Variants in RBFOX1 observed in about 807,000 individuals in gnomAD.
RBFOX1 encodes the protein RNA binding protein fox-1 homolog 1.
In RBFOX1, 8 loss-of-function variants were observed where a neutral mutation model predicts 57.7. The observed-to-expected ratio is 0.14, with a 90% CI of 0.08 to 0.25. The LOEUF is 0.25. RBFOX1 is among the 10% of genes least tolerant of loss of function. The pLI is 1.00. For synonymous variants in RBFOX1, 326 were observed against 222.4 expected (o/e 1.47, Z -4.15); for missense variants, 611 against 548.5 (o/e 1.11, Z -1.14).
At chr16:6,979,399 G>C (rs2088030616) in intron 3 of RBFOX1, among the ~76,000 whole-genome samples, 1 of 152,086 alleles carries the variant, frequency 6.6e-6, no homozygotes, top group Non-Finnish European at 1.5e-5. Flanking sequence ...TTGTGCGATA[G>C]ACCCACTAAA....
intron 3 of RBFOX1, among the ~76,000 whole-genome samples, chr16:6,786,131 G>A (rs938520069): frequency 6.6e-6 from 1 of 152,126 alleles, no homozygotes; most frequent in African/African-American, 2.4e-5. Flanking sequence ...CATGACTTTG[G>A]GTCCCCCTAA....
At chr16:5,249,888 G>A (rs563444612) in intron 1 of RBFOX1, among the ~76,000 whole-genome samples, 62 of 152,320 alleles carry the variant, frequency 4.1e-4, no homozygotes, top group Non-Finnish European at 6.2e-4. Context: ...GAACCCAGAA[G>A]CAGCAGGTTG....
At chr16:6,813,694 T>A (rs370834065) in intron 3 of RBFOX1, among the ~76,000 whole-genome samples, 1 of 152,186 alleles carries the variant, frequency 6.6e-6, no homozygotes, top group African/African-American at 2.4e-5. Context: ...CCAAGTCCCA[T>A]ACTCTCTCAC....
intron 4 of RBFOX1, among the ~76,000 whole-genome samples, chr16:7,219,326 A>C (rs1458765357): frequency 6.6e-6 from 1 of 152,226 alleles, no homozygotes; most frequent in African/African-American, 2.4e-5. Context: ...AGATGCTTTT[A>C]ATGAGCTGCA....
intron 4 of RBFOX1, among the ~76,000 whole-genome samples, chr16:7,388,256 C>G (rs930108723): frequency 6.6e-6 from 1 of 152,090 alleles, no homozygotes; most frequent in African/African-American, 2.4e-5. Context: ...CACTCGGTAT[C>G]CATGATGTGT....
At chr16:5,443,438 A>G (rs964841713) in intron 1 of RBFOX1, among the ~76,000 whole-genome samples, 13 of 152,178 alleles carry the variant, frequency 8.5e-5, no homozygotes, top group African/African-American at 3.1e-4. Flanking sequence ...CCTGGGTTCA[A>G]GTGATTCTCA....
chr16:5,434,590 A>G (rs2067858836), intron 1 of RBFOX1, among the ~76,000 whole-genome samples: 1 of 152,104 alleles, frequency 6.6e-6, no homozygotes, highest in Admixed American at 6.5e-5. Context: ...AAGTGCTGAG[A>G]TTACAGGCAA....
chr16:7,326,360 A>G (rs1413008249), intron 4 of RBFOX1, among the ~76,000 whole-genome samples: 2 of 152,176 alleles, frequency 1.3e-5, no homozygotes, highest in African/African-American at 2.4e-5. Context: ...AAGACCTGGC[A>G]TATGACTGCT....
chr16:7,258,816 T>G (rs904794047), intron 4 of RBFOX1, among the ~76,000 whole-genome samples: 2 of 152,178 alleles, frequency 1.3e-5, no homozygotes, highest in Non-Finnish European at 2.9e-5. Context: ...CTGATGTCAT[T>G]TCATGCTTTG....
At chr16:5,886,890 A>G (rs1333933280) in intron 4 of RBFOX1, among the ~76,000 whole-genome samples, 1 of 152,230 alleles carries the variant, frequency 6.6e-6, no homozygotes, top group Admixed American at 6.5e-5. Context: ...TCTGTCTCAA[A>G]CAAACAAATC....
intron 2 of RBFOX1, among the ~76,000 whole-genome samples, chr16:5,586,508 C>A (rs1223212602): frequency 6.6e-6 from 1 of 152,132 alleles, no homozygotes; most frequent in Non-Finnish European, 1.5e-5. Flanking sequence ...TTTGTTCATT[C>A]ATTCGTTCAA....
chr16:7,672,782 G>A (rs1228705838), intron 13 of RBFOX1, among the ~76,000 whole-genome samples: 4 of 134,898 alleles, frequency 3.0e-5, no homozygotes, highest in South Asian at 2.5e-4. Flanking sequence ...CAGGAGAATC[G>A]GTTGAACCTG....
chr16:7,298,830 G>A lies in RBFOX1; in HGVS notation c.28-219317G>A, dbSNP rs200680827. On this transcript the variant is annotated intron_variant, in intron 4 of 15. Transcript: ENST00000550418. ...TGTTTTCATCTTTGTCATTTTACAT[G>A]AGGTAGGCTGAGGAGGAGGAGGAGG... Among the ~76,000 whole-genome samples the A allele has an allele frequency of 9.9e-5, 15 of 152,264 alleles. No individual in the cohort carries two copies. In the East Asian group the frequency reaches 2.9e-3, roughly 29 times the overall value.
chr16:6,229,380 A>G (rs975640561), intron 1 of RBFOX1, among the ~76,000 whole-genome samples: 2 of 151,598 alleles, frequency 1.3e-5, no homozygotes, highest in Admixed American at 6.6e-5. Flanking sequence ...GCTCACAAGG[A>G]CTCTTGTGGA....
Position 6,057,586 on chromosome 16 carries a change from AG to A in RBFOX1, c.-127+37595del, listed in dbSNP as rs1386672511. ...GACCAAAAGGGAAAAAGAAAAAAAA[AG>A]ACCAAAGACACTGAGCCAAGAATGC... On this transcript the variant is annotated intron_variant, in intron 1 of 15. Transcript: ENST00000550418. 1.3e-5 allele frequency among the ~76,000 whole-genome samples: 2 copies of A among 152,162 alleles called. 1 individual carries two copies. The highest frequency in any genetic ancestry group is 4.8e-5 in the African/African-American group (2 of 41,454).
At chr16:7,516,036 G>C (rs919220301) in intron 4 of RBFOX1, among the ~76,000 whole-genome samples, 1 of 152,090 alleles carries the variant, frequency 6.6e-6, no homozygotes, top group Non-Finnish European at 1.5e-5. Flanking sequence ...GTAGAGGCAG[G>C]GTTTCACCAT....
chr16:7,540,408 C>A (rs572340014), intron 5 of RBFOX1, among the ~76,000 whole-genome samples: 1 of 152,140 alleles, frequency 6.6e-6, no homozygotes, highest in Non-Finnish European at 1.5e-5. Context: ...TCAGGTGTTA[C>A]CCATGCAAGA....
intron 3 of RBFOX1, among the ~76,000 whole-genome samples, chr16:7,016,005 G>C (rs912268860): frequency 6.6e-6 from 1 of 152,102 alleles, no homozygotes; most frequent in Non-Finnish European, 1.5e-5. Flanking sequence ...GCTGTGTGGT[G>C]ATAGGGTTTC....
chr16:7,704,419 G>C (rs2081765543), intron 14 of RBFOX1, among the ~76,000 whole-genome samples: 1 of 152,158 alleles, frequency 6.6e-6, no homozygotes, highest in Non-Finnish European at 1.5e-5. Flanking sequence ...TCCCCAGAAA[G>C]TTTTCTTCTG....
Sources: allele counts gnomAD v4.1 joint callset (sites outside exome capture counted in the v4.1 genomes callset), GRCh38; gene constraint gnomAD v4.1.1; transcripts MANE v1.5; gene names NCBI Gene and HGNC (gene_info 2026-07-23, HGNC 2026-07-21).